Variants in CEP350 observed in about 807,000 individuals in gnomAD.
The protein encoded by CEP350 is centrosome-associated protein 350.
A neutral mutation model predicts 331.8 loss-of-function variants in CEP350; 126 were observed. That is an observed-to-expected ratio of 0.38 (90% CI 0.33 to 0.44). CEP350 has a LOEUF of 0.44. Among genes scored for constraint, CEP350 ranks in the 20% least tolerant of loss-of-function variants. The pLI is 1.00. For synonymous variants in CEP350, 1,200 were observed against 1,259.5 expected (o/e 0.95, Z 1.00); for missense variants, 3,406 against 3,634.6 (o/e 0.94, Z 1.62).
Position 180,003,226 on chromosome 1 carries a change from G to C in CEP350, c.1071G>C (p.Gln357His). ...KIRTPDGKVW[Q>H]EAEFQNMSRE... The stretch of plus-strand genomic sequence containing the variant: ...GAACACCTGATGGGAAAGTGTGGCA[G>C]GAGGCTGAGTTTCAAAACATGAGTA... The change falls in exon 7 of 38, where the codon CAG becomes CAC. Residue 357 changes from glutamine (Q) to histidine (H), a missense_variant. Transcript: ENST00000367607. The C allele has an allele frequency of 6.2e-7, 1 of 1,613,452 alleles. No homozygotes were observed. Among genetic ancestry groups the C allele is most frequent in the Non-Finnish European group, 8.5e-7 (1 of 1,179,708 alleles).
rs1181129362 is a variant in CEP350 at position 180,053,050 on chromosome 1, C to T, written c.4873C>T (p.Arg1625Ter). ...TEDEIEEQSF[R>*]SLLPSESHRR... Reference sequence around the variant, plus strand: ...AGATGAAATAGAAGAACAATCATTTCGATCATTACTACCTTCAGAGAGTCA... The same window carrying T: ...AGATGAAATAGAAGAACAATCATTTTGATCATTACTACCTTCAGAGAGTCA... Residue 1625 changes from arginine to a stop codon, truncating the protein, a stop_gained, in exon 23 of 38, where the codon CGA becomes TGA. Coordinates refer to ENST00000367607, the MANE Select transcript of CEP350 (RefSeq NM_014810.5). LOFTEE classifies it high-confidence loss of function. The T allele has an allele frequency of 1.9e-6, 3 of 1,539,268 alleles. No homozygotes were observed. Among genetic ancestry groups the T allele is most frequent in the Non-Finnish European group, 1.8e-6 (2 of 1,114,048 alleles).
chr1:180,086,137 A>G (rs1659844874), intron 31 of CEP350, among the ~76,000 whole-genome samples: 1 of 152,230 alleles, frequency 6.6e-6, no homozygotes, highest in East Asian at 1.9e-4. Context: ...TTAAACAGGT[A>G]CACAATACAG....
At chr1:179,955,426 A>G (rs1234127896) in intron 1 of CEP350, among the ~76,000 whole-genome samples, 1 of 151,936 alleles carries the variant, frequency 6.6e-6, no homozygotes, top group African/African-American at 2.4e-5. Flanking sequence ...GAGGTAAGAT[A>G]CCTCTAGCCT....
rs1463690864 is a variant in CEP350, at chr1:180,014,096, C to T, written c.1643C>T (p.Thr548Ile). The T allele has an allele frequency of 1.9e-6, 3 of 1,611,300 alleles. No individual in the cohort carries two copies. The highest frequency in any genetic ancestry group is 2.7e-5 in the African/African-American group (2 of 75,002). Reference sequence around the variant, plus strand: ...ACAGCTCACACTGCAAAGCAAGATACTGTAGAGTTACAGAACCAGAAGTCA... The same window carrying T: ...ACAGCTCACACTGCAAAGCAAGATATTGTAGAGTTACAGAACCAGAAGTCA... Reference protein sequence around the residue: ...DSTAHTAKQDTVELQNQKSSA... With the variant: ...DSTAHTAKQDIVELQNQKSSA... The change falls in exon 10 of 38, where the codon ACT becomes ATT. Residue 548 changes from threonine to isoleucine, a missense_variant. Thr to Ile is a moderately conservative substitution (Grantham distance 89). This residue lies in a region of CEP350 where 1,857 missense variants were observed against 1,909.2 expected (regional missense o/e 0.97). Transcript: ENST00000367607.
At chr1:180,077,819 A>C (rs1659327212) in intron 28 of CEP350, among the ~76,000 whole-genome samples, 1 of 152,020 alleles carries the variant, frequency 6.6e-6, no homozygotes, top group South Asian at 2.1e-4. Context: ...TTCATAGGAA[A>C]CCTTTGTCAA....
chr1:179,956,903 A>C (rs998611199), intron 1 of CEP350, among the ~76,000 whole-genome samples: 1 of 152,140 alleles, frequency 6.6e-6, no homozygotes, highest in Non-Finnish European at 1.5e-5. Flanking sequence ...ATATTAATAT[A>C]GGTGCTCTGG....
Position 180,080,624 on chromosome 1 carries a change from T to C in CEP350, c.6087T>C (p.Tyr2029=), listed in dbSNP as rs142669338. 50 of 1,613,764 alleles carry C rather than the reference T, an allele frequency of 3.1e-5. No individual in the cohort carries two copies. Among genetic ancestry groups the C allele is most frequent in the Non-Finnish European group, 3.5e-5 (41 of 1,179,844 alleles). Reference sequence around the variant, plus strand: ...CTATCAAGTCCCATCAGCACTGTTATAGTTGGTCAGATGAGTCATTATCTA... The same window carrying C: ...CTATCAAGTCCCATCAGCACTGTTACAGTTGGTCAGATGAGTCATTATCTA... ...HLPIKSHQHC[Y]SWSDESLSMT... The change falls in exon 30 of 38, where the codon TAT becomes TAC. Residue 2029 remains tyrosine, a synonymous_variant. Transcript: ENST00000367607.
chr1:180,070,254 T>C (rs1025670247), intron 27 of CEP350, among the ~76,000 whole-genome samples: 1 of 152,230 alleles, frequency 6.6e-6, no homozygotes, highest in African/African-American at 2.4e-5. Context: ...TTGTTTTCGA[T>C]ATCTTTTATA....
At chr1:180,075,525 A>T (rs1442099568) in intron 28 of CEP350, among the ~76,000 whole-genome samples, 1 of 152,088 alleles carries the variant, frequency 6.6e-6, no homozygotes, top group Non-Finnish European at 1.5e-5. Flanking sequence ...GCTATGATCA[A>T]CCCCACTGTG....
chr1:180,037,941 G>A (rs945888161), intron 17 of CEP350, among the ~76,000 whole-genome samples: 18 of 152,106 alleles, frequency 1.2e-4, no homozygotes, highest in African/African-American at 3.9e-4. Context: ...GAGCCACCGC[G>A]CCTGGCCCAG....
chr1:180,018,958 C>T (rs1318287348), intron 11 of CEP350, among the ~76,000 whole-genome samples: 1 of 151,220 alleles, frequency 6.6e-6, no homozygotes, highest in Non-Finnish European at 1.5e-5. Context: ...CGGGTTCAAG[C>T]GATACTTGTG....
At chr1:180,087,395 T>G in intron 31 of CEP350, 183 bp from the exon 32 acceptor site, 1 of 442,074 alleles carries the variant, frequency 2.3e-6, no homozygotes, top group Non-Finnish European at 3.9e-6. Context: ...TAGATTATTT[T>G]GAGAAGGATG....
intron 37 of CEP350, among the ~76,000 whole-genome samples, chr1:180,100,803 A>C (rs1013268009): frequency 1.3e-5 from 2 of 152,248 alleles, no homozygotes; most frequent in African/African-American, 4.8e-5. Flanking sequence ...AGGAGGAAGC[A>C]AAAGTGGAAA....
chr1:179,956,564 G>A (rs943428421), intron 1 of CEP350, among the ~76,000 whole-genome samples: 4 of 152,092 alleles, frequency 2.6e-5, no homozygotes, highest in African/African-American at 9.7e-5. Flanking sequence ...TTTTCCTTCT[G>A]CTTCTGATTG....
At chr1:180,015,741 C>T in intron 10 of CEP350, 108 bp from the exon 11 acceptor site, 7 of 1,284,062 alleles carry the variant, frequency 5.5e-6, no homozygotes, top group Non-Finnish European at 6.2e-6. Flanking sequence ...AAAACCACTA[C>T]ATTTTATGAT....
chr1:179,977,769 G>A (rs1394337818), intron 1 of CEP350, among the ~76,000 whole-genome samples: 1 of 151,954 alleles, frequency 6.6e-6, no homozygotes, highest in African/African-American at 2.4e-5. Flanking sequence ...TTAGTTTACT[G>A]TAACTTTTTT....
At chr1:180,108,457 G>A (rs1286767575) in intron 37 of CEP350, among the ~76,000 whole-genome samples, 1 of 152,032 alleles carries the variant, frequency 6.6e-6, no homozygotes, top group Non-Finnish European at 1.5e-5. Context: ...CTGAGATCAC[G>A]CCACTGCACT....
Position 180,026,669 on chromosome 1 carries a change from C to T in CEP350, c.3550+2087C>T, listed in dbSNP as rs1287075416. On this transcript the variant is annotated intron_variant, in intron 14 of 37. Coordinates refer to ENST00000367607, the MANE Select transcript of CEP350 (RefSeq NM_014810.5). Reference sequence around the variant, plus strand: ...GGTAACCACTGTTCTGTTTTCTGTCCCTATCAATTTGACTACTCTGCGTAC... The same window carrying T: ...GGTAACCACTGTTCTGTTTTCTGTCTCTATCAATTTGACTACTCTGCGTAC... Among the ~76,000 whole-genome samples the T allele has an allele frequency of 3.3e-5, 5 of 152,040 alleles. No homozygotes were observed. The East Asian group carries it at 9.6e-4, about 29-fold the overall frequency.
intron 32 of CEP350, among the ~76,000 whole-genome samples, 152 bp downstream of exon 32, chr1:180,087,869 ATAT>A (rs1659954888): frequency 6.6e-6 from 1 of 152,194 alleles, no homozygotes; most frequent in South Asian, 2.1e-4. Flanking sequence ...AAATTGTTAC[ATAT>A]TATAATTAAA....
Sources: allele counts gnomAD v4.1 joint callset (sites outside exome capture counted in the v4.1 genomes callset), GRCh38; gene constraint gnomAD v4.1.1; regional missense constraint gnomAD v4.1.1; transcripts MANE v1.5; gene names NCBI Gene and HGNC (gene_info 2026-07-23, HGNC 2026-07-21).